The following FCHSD2 variants were observed in gnomAD, a reference collection of about 807,000 sequenced individuals.
The protein encoded by FCHSD2 is FCH and double SH3 domains 2.
A neutral mutation model predicts 108.1 loss-of-function variants in FCHSD2; 38 were observed. That is an observed-to-expected ratio of 0.35 (90% CI 0.27 to 0.46). The LOEUF is 0.46. Ranked by LOEUF, FCHSD2 falls within the 20% of genes least tolerant of loss-of-function variation. The probability of loss-of-function intolerance (pLI) is 1.00; values close to 1 mark genes in which losing one functional copy is unlikely to be tolerated. For synonymous variants in FCHSD2, 279 were observed against 314.7 expected, an observed-to-expected ratio of 0.89 and a Z score of 1.20; for missense variants, 751 against 897.8, an observed-to-expected ratio of 0.84 and a Z score of 2.09.
chr11:72,875,295 C>T (rs1005298150), intron 12 of FCHSD2, among the ~76,000 whole-genome samples: 1 of 152,094 alleles, frequency 6.6e-6, no homozygotes, highest in Admixed American at 6.6e-5. Flanking sequence ...GGAACTATAT[C>T]ATCATATATT....
chr11:72,889,256 C>A (rs553008216), intron 11 of FCHSD2, among the ~76,000 whole-genome samples: 2 of 152,160 alleles, frequency 1.3e-5, no homozygotes, highest in African/African-American at 4.8e-5. Flanking sequence ...CCACCGCGCC[C>A]GGCTATAATT....
intron 8 of FCHSD2, among the ~76,000 whole-genome samples, chr11:72,927,847 C>G (rs1345678888): frequency 1.3e-5 from 2 of 152,206 alleles, no homozygotes; most frequent in Non-Finnish European, 2.9e-5. Flanking sequence ...GTAGATGGAT[C>G]AGCAGCTGTT....
At chr11:72,979,506 A>C (rs1857172832) in intron 8 of FCHSD2, among the ~76,000 whole-genome samples, 1 of 152,174 alleles carries the variant, frequency 6.6e-6, no homozygotes, top group Admixed American at 6.5e-5. Context: ...AAAACAAACA[A>C]TTAGATCAGA....
At chr11:73,003,409 T>C (rs1857666694) in intron 4 of FCHSD2, among the ~76,000 whole-genome samples, 1 of 152,168 alleles carries the variant, frequency 6.6e-6, no homozygotes, top group Admixed American at 6.5e-5. Context: ...GCACTTCTTG[T>C]TAACATAATA....
At chr11:72,913,824 CAAA>C (rs1555053450) in intron 9 of FCHSD2, among the ~76,000 whole-genome samples, 1 of 47,686 alleles carries the variant, frequency 2.1e-5, no homozygotes, top group African/African-American at 6.4e-5. Flanking sequence ...AAAAAAAACC[CAAA>C]AAAAAAACAA....
intron 8 of FCHSD2, among the ~76,000 whole-genome samples, chr11:72,922,237 C>T (rs1855988659): frequency 6.6e-6 from 1 of 152,076 alleles, no homozygotes; most frequent in African/African-American, 2.4e-5. Context: ...GATCTTTGCT[C>T]ATCTGCTTAG....
chr11:73,061,101 A>G (rs1261417977), intron 3 of FCHSD2, among the ~76,000 whole-genome samples: 1 of 152,216 alleles, frequency 6.6e-6, no homozygotes, highest in Non-Finnish European at 1.5e-5. Context: ...TGCATGTCCA[A>G]CTGAGGTACC....
chr11:72,844,380 A>G (rs549416700), intron 14 of FCHSD2, among the ~76,000 whole-genome samples: 1 of 152,332 alleles, frequency 6.6e-6, no homozygotes, highest in East Asian at 1.9e-4. Context: ...AATGATTGAG[A>G]TCAGTCATGG....
intron 3 of FCHSD2, among the ~76,000 whole-genome samples, chr11:73,054,906 C>T (rs1858987522): frequency 6.6e-6 from 1 of 152,122 alleles, no homozygotes; most frequent in South Asian, 2.1e-4. Context: ...GAGGTTGAAG[C>T]TCCAGTGGGC....
At chr11:73,019,569 A>G (rs1035429222) in intron 3 of FCHSD2, among the ~76,000 whole-genome samples, 1 of 152,148 alleles carries the variant, frequency 6.6e-6, no homozygotes, top group Non-Finnish European at 1.5e-5. Flanking sequence ...CCCTTCAGAG[A>G]TGAGATGAGG....
rs1857645084 is a variant in FCHSD2, at chr11:73,002,450, CCA to C, written c.243-1318_243-1317del. ...TCTCCATGGCCTCACTGCATGACAA[CCA>C]ATGGAACTTGCAATGTAAACTCACC... On this transcript the variant is annotated intron_variant, in intron 4 of 19. Transcript: ENST00000409418. Among the ~76,000 whole-genome samples, 4 of 152,306 alleles carry C rather than the reference CCA, an allele frequency of 2.6e-5. No individual in the cohort carries two copies. In the South Asian group the frequency reaches 8.3e-4, roughly 32 times the overall value.
intron 8 of FCHSD2, among the ~76,000 whole-genome samples, chr11:72,980,495 G>A (rs971845051): frequency 2.6e-5 from 4 of 151,894 alleles, no homozygotes; most frequent in African/African-American, 9.7e-5. Context: ...GAACTTTAAC[G>A]AGGATAACAA....
chr11:73,054,733 T>C (rs530215148), intron 3 of FCHSD2, among the ~76,000 whole-genome samples: 107 of 152,162 alleles, frequency 7.0e-4, no homozygotes, highest in African/African-American at 2.4e-3. Context: ...TGAAGTGCAG[T>C]GGCACAATCA....
intron 8 of FCHSD2, among the ~76,000 whole-genome samples, chr11:72,933,415 C>G (rs1438952098): frequency 1.3e-5 from 2 of 152,182 alleles, no homozygotes. Context: ...AGGACAGGGA[C>G]AGTGTCCTTG....
At chr11:73,078,527 A>G (rs1411145052) in intron 3 of FCHSD2, among the ~76,000 whole-genome samples, 2 of 152,202 alleles carry the variant, frequency 1.3e-5, no homozygotes, top group African/African-American at 4.8e-5. Context: ...ACATGCATGA[A>G]GCTTAAAAGC....
chr11:73,060,733 C>A (rs1316408710), intron 3 of FCHSD2, among the ~76,000 whole-genome samples: 1 of 152,092 alleles, frequency 6.6e-6, no homozygotes, highest in Non-Finnish European at 1.5e-5. Context: ...TTCCCCTGGG[C>A]CAGAAAAGCA....
At chr11:73,075,584 G>C (rs748481456) in intron 3 of FCHSD2, among the ~76,000 whole-genome samples, 4 of 152,196 alleles carry the variant, frequency 2.6e-5, no homozygotes, top group Non-Finnish European at 4.4e-5. Context: ...GGGAGGCCAA[G>C]GAGGACGGAT....
chr11:72,999,463 G>A (rs571799573), intron 5 of FCHSD2, among the ~76,000 whole-genome samples: 2 of 151,974 alleles, frequency 1.3e-5, no homozygotes, highest in South Asian at 2.1e-4. Flanking sequence ...GGAACTACAG[G>A]TGCACGCCAC....
At chr11:73,036,494 C>G (rs939432761) in intron 3 of FCHSD2, among the ~76,000 whole-genome samples, 2 of 152,096 alleles carry the variant, frequency 1.3e-5, no homozygotes, top group African/African-American at 2.4e-5. Context: ...GTTTCCTCAA[C>G]TGTAAAATGG....
Sources: allele counts gnomAD v4.1 joint callset (sites outside exome capture counted in the v4.1 genomes callset), GRCh38; gene constraint gnomAD v4.1.1; transcripts MANE v1.5; gene names NCBI Gene and HGNC (gene_info 2026-07-23, HGNC 2026-07-21).